LHCGR: variants seen among roughly 807,000 people sequenced by gnomAD.
LHCGR encodes the protein luteinizing hormone/choriogonadotropin receptor, also known as lutropin-choriogonadotropic hormone receptor.
In LHCGR, 55 loss-of-function variants were observed where a neutral mutation model predicts 60.7. The ratio of observed to expected loss-of-function variants is 0.91; its 90% confidence interval spans 0.73 to 1.13. LHCGR has a LOEUF of 1.13. Ranked by LOEUF, LHCGR falls within the 50% of genes most tolerant of loss-of-function variation. LHCGR has a pLI of 0.00. For synonymous variants in LHCGR, 337 were observed against 316.5 expected (o/e 1.06, Z -0.69); for missense variants, 862 against 836.0 (o/e 1.03, Z -0.38).
chr2:48,710,769 G>A (rs1261008581), intron 7 of LHCGR, among the ~76,000 whole-genome samples: 11 of 152,218 alleles, frequency 7.2e-5, no homozygotes, highest in East Asian at 1.9e-4. Flanking sequence ...AGTAAGTCAG[G>A]TGTTTGCGAA....
In LHCGR at chr2:48,721,742, T is replaced by C. The variant is rs562866545; in HGVS notation, c.536+1714A>G. 1,136 of 471,192 alleles carry C rather than the reference T, an allele frequency of 2.4e-3. 7 individuals carry two copies. The highest frequency in any genetic ancestry group is 2.6e-3 in the Non-Finnish European group (596 of 227,066). The allele number at this position is 471,192 out of a possible 1,614,324, so 29.2% of individuals were successfully genotyped here. A position where few individuals can be genotyped will look rare whatever the true frequency, so the allele number is the denominator to read the frequency against. On this transcript the variant is annotated intron_variant, in intron 6 of 10. Coordinates refer to ENST00000294954, the MANE Select transcript of LHCGR (RefSeq NM_000233.4). ...ATGTTTTCTCTTTTTTCTTTAAGGG[T>C]GAGCTCCTTTATTGCCTCATCACAA... is the stretch of plus-strand genomic sequence containing the variant.
intron 6 of LHCGR, among the ~76,000 whole-genome samples, chr2:48,716,064 A>G (rs535550759): frequency 6.6e-6 from 1 of 152,162 alleles, no homozygotes; most frequent in South Asian, 2.1e-4. Context: ...TAGCTCTCCC[A>G]TATTGGATTA....
At chr2:48,713,217 T>C (rs1054274132) in intron 7 of LHCGR, among the ~76,000 whole-genome samples, 4 of 40,972 alleles carry the variant, frequency 9.8e-5, no homozygotes, top group African/African-American at 2.8e-4. Context: ...ATACAACTTA[T>C]TGATTTTAAA....
At chr2:48,692,901 T>C (rs949111632) in intron 10 of LHCGR, among the ~76,000 whole-genome samples, 7 of 152,204 alleles carry the variant, frequency 4.6e-5, no homozygotes, top group African/African-American at 1.4e-4. Flanking sequence ...GTTTTGGAGA[T>C]GCTAGAGATT....
chr2:48,694,596 T>C (rs1036581134), intron 9 of LHCGR, among the ~76,000 whole-genome samples: 2 of 152,170 alleles, frequency 1.3e-5, no homozygotes, highest in Non-Finnish European at 2.9e-5. Context: ...TTTCCAATGA[T>C]TACTAAAAGC....
At chr2:48,723,836 G>A (rs1196588922) in intron 4 of LHCGR, 140 bp from the exon 5 acceptor site, 4 of 703,626 alleles carry the variant, frequency 5.7e-6, no homozygotes, top group Non-Finnish European at 7.6e-6. Context: ...TGAGTTTGGT[G>A]TTATCAGGAC....
In LHCGR at chr2:48,718,800, C is replaced by T. The variant is rs990466299; in HGVS notation, c.536+4656G>A. Among the ~76,000 whole-genome samples, 3 of 152,120 alleles carry T rather than the reference C, an allele frequency of 2.0e-5. No individual in the cohort carries two copies. The South Asian group carries it at 6.2e-4, about 32-fold the overall frequency. On this transcript the variant is annotated intron_variant, in intron 6 of 10. Coordinates refer to ENST00000294954, the MANE Select transcript of LHCGR (RefSeq NM_000233.4). ...TAGATGGGTAACTGTGACCTGGTTA[C>T]TACTATGTGCTGCTGTAACTCTAGT...
intron 1 of LHCGR, among the ~76,000 whole-genome samples, chr2:48,739,365 G>A (rs571761750): frequency 2.0e-5 from 3 of 152,152 alleles, no homozygotes; most frequent in Admixed American, 2.0e-4. Flanking sequence ...ATGCACACGT[G>A]TATTTATTGC....
At chr2:48,697,636 T>G (rs1303573232) in intron 9 of LHCGR, among the ~76,000 whole-genome samples, 4 of 152,214 alleles carry the variant, frequency 2.6e-5, no homozygotes, top group Middle Eastern at 3.2e-3. Flanking sequence ...ATAATTCATT[T>G]TGGTTGATTC....
chr2:48,708,227 CAGAG>C (rs1368325362), intron 8 of LHCGR, among the ~76,000 whole-genome samples: 1 of 152,178 alleles, frequency 6.6e-6, no homozygotes, highest in Non-Finnish European at 1.5e-5. Context: ...CTTGCACCCT[CAGAG>C]AGTCTGACAG....
At chr2:48,726,031 C>G (rs911551961) in intron 3 of LHCGR, among the ~76,000 whole-genome samples, 4 of 152,126 alleles carry the variant, frequency 2.6e-5, no homozygotes, top group Admixed American at 6.5e-5. Flanking sequence ...CCCTCTCCCC[C>G]ACCACAGACA....
chr2:48,733,933 TC>T (rs1669109962), intron 1 of LHCGR, among the ~76,000 whole-genome samples: 1 of 152,228 alleles, frequency 6.6e-6, no homozygotes, highest in Non-Finnish European at 1.5e-5. Context: ...ATTGGATGCA[TC>T]TATGATTCTT....
intron 6 of LHCGR, among the ~76,000 whole-genome samples, chr2:48,715,312 G>C (rs547162080): frequency 2.6e-5 from 4 of 152,276 alleles, no homozygotes; most frequent in Non-Finnish European, 5.9e-5. Flanking sequence ...TAAATTGGAT[G>C]ACCAAATGGG....
At chr2:48,703,103 A>G (rs1667492532) in intron 8 of LHCGR, among the ~76,000 whole-genome samples, 1 of 152,134 alleles carries the variant, frequency 6.6e-6, no homozygotes, top group African/African-American at 2.4e-5. Context: ...TCCTTCGCCC[A>G]TTTTTTGATG....
intron 8 of LHCGR, among the ~76,000 whole-genome samples, chr2:48,705,494 A>G (rs1407774851): frequency 1.3e-5 from 2 of 152,198 alleles, no homozygotes; most frequent in Non-Finnish European, 2.9e-5. Flanking sequence ...GTTGGATGTT[A>G]AAGTCTCCCA....
intron 8 of LHCGR, 175 bp downstream of exon 8, chr2:48,708,773 G>A (rs537679126): frequency 3.9e-5 from 27 of 689,698 alleles, no homozygotes; most frequent in African/African-American, 2.8e-4. Context: ...AAGCCTCTCG[G>A]TTTGGGGTAC....
At chr2:48,732,735 T>G (rs558699939) in intron 1 of LHCGR, among the ~76,000 whole-genome samples, 1 of 152,316 alleles carries the variant, frequency 6.6e-6, no homozygotes, top group Admixed American at 6.5e-5. Flanking sequence ...TCACATTCGC[T>G]CTATTTCTTC....
Position 48,717,090 on chromosome 2 carries a change from G to A in LHCGR, c.537-3036C>T, listed in dbSNP as rs1032277820. On this transcript the variant is annotated intron_variant, in intron 6 of 10. Coordinates refer to ENST00000294954, the MANE Select transcript of LHCGR (RefSeq NM_000233.4). ...GGTCATTGGCTTGGAATTGTGTCCAGAGTCTAGTCCCTGGATTGCTTTCTC... is the reference window on the plus strand; with the variant it reads ...GGTCATTGGCTTGGAATTGTGTCCAAAGTCTAGTCCCTGGATTGCTTTCTC... 2.6e-5 allele frequency among the ~76,000 whole-genome samples: 4 copies of A among 152,260 alleles called. No homozygotes were observed. In the East Asian group the frequency reaches 7.7e-4, roughly 29 times the overall value.
chr2:48,700,699 G>A (rs760287806), intron 8 of LHCGR, among the ~76,000 whole-genome samples: 3 of 152,158 alleles, frequency 2.0e-5, no homozygotes, highest in African/African-American at 7.2e-5. Context: ...TACAAGATTC[G>A]GAGTCTGGTA....
Sources: allele counts gnomAD v4.1 joint callset (sites outside exome capture counted in the v4.1 genomes callset), GRCh38; gene constraint gnomAD v4.1.1; transcripts MANE v1.5; gene names NCBI Gene and HGNC (gene_info 2026-07-23, HGNC 2026-07-21).